Variants in SKI observed in about 807,000 individuals in gnomAD.
SKI encodes SKI proto-oncogene.
A neutral mutation model predicts 59.3 loss-of-function variants in SKI; 23 were observed. The ratio of observed to expected loss-of-function variants is 0.39; its 90% confidence interval spans 0.28 to 0.55. The LOEUF (loss-of-function observed/expected upper bound fraction) is 0.55, where lower values mean the gene tolerates loss of function less well. Among genes scored for constraint, SKI ranks in the 20% least tolerant of loss-of-function variants. SKI has a pLI of 0.67. For missense variants in SKI, 1,017 were observed against 1,038.9 expected (o/e 0.98, Z 0.29); for synonymous variants, 673 against 488.6 (o/e 1.38, Z -4.98).
rs1639523283 is a variant in SKI at position 2,267,428 on chromosome 1, A to G, written c.970-35550A>G. Among the ~76,000 whole-genome samples the G allele has an allele frequency of 1.3e-5, 2 of 152,204 alleles. No individual in the cohort carries two copies. Among genetic ancestry groups the G allele is most frequent in the African/African-American group, 4.8e-5 (2 of 41,444 alleles). On this transcript the variant is annotated intron_variant, in intron 1 of 6. Coordinates refer to ENST00000378536, the MANE Select transcript of SKI (RefSeq NM_003036.4). The surrounding 1 kb of genome is among the most constrained non-coding windows in gnomAD (Gnocchi z 4.1). ...CCGTTCGGGCCGGAGCAGGTGCGAC[A>G]GGAATGTCCCACGTCCTCTCGTGTG...
At position 2,285,455 on chromosome 1, in the gene SKI, C is replaced by T. The variant is rs574423767; in HGVS notation, c.970-17523C>T. The stretch of plus-strand genomic sequence containing the variant: ...GCTTGAACCTGGGAGGCGGAGGTTG[C>T]AGTGAGCTGAGATCGTGCCACTGCA... On this transcript the variant is annotated intron_variant, in intron 1 of 6. Transcript: ENST00000378536. 4.0e-5 allele frequency among the ~76,000 whole-genome samples: 6 copies of T among 150,302 alleles called. No homozygotes were observed. The East Asian group carries it at 6.2e-4, about 15-fold the overall frequency.
chr1:2,304,769 G>A (rs999113406), intron 5 of SKI, among the ~76,000 whole-genome samples, 184 bp downstream of exon 5: 1 of 152,236 alleles, frequency 6.6e-6, no homozygotes, highest in Non-Finnish European at 1.5e-5. Context: ...GCAGCCCTGG[G>A]TATGGTGAGC....
At chr1:2,296,739 A>G (rs1460721236) in intron 1 of SKI, among the ~76,000 whole-genome samples, 1 of 151,234 alleles carries the variant, frequency 6.6e-6, no homozygotes, top group Non-Finnish European at 1.5e-5. Flanking sequence ...TTTTCTGGGA[A>G]GCCTTGTTGT....
intron 1 of SKI, among the ~76,000 whole-genome samples, chr1:2,243,989 A>G (rs1167150938): frequency 2.0e-5 from 3 of 148,052 alleles, no homozygotes; most frequent in South Asian, 2.2e-4. Flanking sequence ...TTTTTGACAC[A>G]GAGTCTCGCT....
chr1:2,286,887 C>G (rs1357205824), intron 1 of SKI, among the ~76,000 whole-genome samples: 1 of 152,248 alleles, frequency 6.6e-6, no homozygotes, highest in African/African-American at 2.4e-5. Flanking sequence ...CTCATGCATG[C>G]TCTGTGGTCA....
rs10910050 is a variant in SKI, at chr1:2,293,437, A to T, written c.970-9541A>T. Among the ~76,000 whole-genome samples, 3 of 144,346 alleles carry T rather than the reference A, an allele frequency of 2.1e-5. No individual in the cohort carries two copies. In the East Asian group the frequency reaches 6.2e-4, roughly 30 times the overall value. The allele number at this position is 144,346 out of a possible 152,430, so 94.7% of individuals were successfully genotyped here. ...AGAAGCCAGGGCGAGGCCCCCCCCC[A>T]ACATCTGGAAGGTTCTCCTGCGTCG... On this transcript the variant is annotated intron_variant, in intron 1 of 6. Coordinates refer to ENST00000378536, the MANE Select transcript of SKI (RefSeq NM_003036.4).
intron 1 of SKI, among the ~76,000 whole-genome samples, chr1:2,243,334 C>T (rs553196620): frequency 6.6e-6 from 1 of 152,370 alleles, no homozygotes; most frequent in Admixed American, 6.5e-5. Flanking sequence ...CCCGCCCTGC[C>T]CTCTCGTGCT....
intron 1 of SKI, among the ~76,000 whole-genome samples, chr1:2,277,491 T>C (rs1639767801): frequency 6.6e-6 from 1 of 152,344 alleles, no homozygotes; most frequent in South Asian, 2.1e-4. Context: ...ATTTTTTCTC[T>C]TGCCGCTGCC....
intron 1 of SKI, among the ~76,000 whole-genome samples, chr1:2,293,427 G>GC (rs145326512): frequency 0.57 from 80,932 of 142,490 alleles, 22,317 homozygotes; most frequent in East Asian, 0.72. Flanking sequence ...CCAGGGCGAG[G>GC]CCCCCCCCCA....
intron 1 of SKI, among the ~76,000 whole-genome samples, chr1:2,256,683 T>C (rs990618555): frequency 1.3e-5 from 2 of 152,250 alleles, no homozygotes; most frequent in Non-Finnish European, 2.9e-5. Context: ...ACAGAACACT[T>C]GTCGGCGCTC....
At chr1:2,292,885 C>T (rs1379489304) in intron 1 of SKI, among the ~76,000 whole-genome samples, 2 of 152,158 alleles carry the variant, frequency 1.3e-5, no homozygotes, top group African/African-American at 4.8e-5. Flanking sequence ...CTGGCGGGGC[C>T]GCTGAGCCAA....
intron 1 of SKI, among the ~76,000 whole-genome samples, chr1:2,299,256 G>C (rs915416167): frequency 5.3e-5 from 8 of 152,160 alleles, no homozygotes; most frequent in Admixed American, 4.6e-4. Context: ...CTCGGGGAGG[G>C]GGGGGGCCAC....
rs1324679434 is a variant in SKI at position 2,308,766 on chromosome 1, C to A, written c.*2001C>A. The A allele has an allele frequency of 6.6e-6, 1 of 152,196 alleles. No homozygotes were observed. Among genetic ancestry groups the A allele is most frequent in the Non-Finnish European group, 1.5e-5 (1 of 68,064 alleles). 9.4% of individuals were successfully genotyped at this position (152,196 alleles called of 1,614,324 possible). On this transcript the variant is annotated 3_prime_UTR_variant, in exon 7 of 7. Coordinates refer to ENST00000378536, the MANE Select transcript of SKI (RefSeq NM_003036.4). Reference sequence around the variant, plus strand: ...ATCCCCAGGGCCGCCAGGCTTGCTCCGTTTGCTTTGAGTTTTTAGACCCCA... The same window carrying A: ...ATCCCCAGGGCCGCCAGGCTTGCTCAGTTTGCTTTGAGTTTTTAGACCCCA...
intron 1 of SKI, among the ~76,000 whole-genome samples, chr1:2,245,664 T>TG (rs142110763): frequency 0.073 from 11,028 of 151,948 alleles, 477 homozygotes; most frequent in Middle Eastern, 0.15. Flanking sequence ...TTAGTGGAGA[T>TG]GGGGTTTCAC....
At chr1:2,278,348 C>T (rs981881810) in intron 1 of SKI, among the ~76,000 whole-genome samples, 6 of 152,212 alleles carry the variant, frequency 3.9e-5, no homozygotes, top group African/African-American at 1.4e-4. Flanking sequence ...GACGCAGGAG[C>T]CCTGGGGGAG....
At chr1:2,233,083 C>T (rs1054838027) in intron 1 of SKI, among the ~76,000 whole-genome samples, 9 of 152,188 alleles carry the variant, frequency 5.9e-5, no homozygotes, top group South Asian at 2.1e-4. Context: ...GCCTGGGACG[C>T]GGCCCCTTGT....
At chr1:2,240,806 G>A in intron 1 of SKI, 1 of 985,400 alleles carries the variant, frequency 1.0e-6, no homozygotes, top group Non-Finnish European at 1.2e-6. Context: ...AGAGGCGCGA[G>A]AAACCACAGC....
At position 2,303,124 on chromosome 1, in the gene SKI, G is replaced by T. The variant is rs1432269650; in HGVS notation, c.1095+21G>T. Reference sequence around the variant, plus strand: ...ATAAGGTGCTGTGGGGCCTGTCGGGGTCCTTGGGGTGGTGGGTACTGGGCC... The same window carrying T: ...ATAAGGTGCTGTGGGGCCTGTCGGGTTCCTTGGGGTGGTGGGTACTGGGCC... On this transcript the variant is annotated intron_variant, in intron 2 of 6. Coordinates refer to ENST00000378536, the MANE Select transcript of SKI (RefSeq NM_003036.4). The surrounding 1 kb of genome is among the most constrained non-coding windows in gnomAD (Gnocchi z 5.6). 2 of 1,612,912 alleles carry T rather than the reference G, an allele frequency of 1.2e-6. No homozygotes were observed. Among genetic ancestry groups the T allele is most frequent in the African/African-American group, 1.3e-5 (1 of 75,040 alleles).
chr1:2,274,940 G>A (rs1341034229), intron 1 of SKI, among the ~76,000 whole-genome samples: 2 of 152,198 alleles, frequency 1.3e-5, no homozygotes, highest in Non-Finnish European at 2.9e-5. Flanking sequence ...AATTGTTTGG[G>A]GCCTTCGCTG....
Sources: gnomAD v4.1 joint callset for allele counts (sites outside exome capture counted in the v4.1 genomes callset) on GRCh38, gnomAD v4.1.1 for gene constraint, Gnocchi (gnomAD v3.1) non-coding constraint, MANE v1.5 for transcripts, NCBI Gene and HGNC (gene_info 2026-07-23, HGNC 2026-07-21) for gene names.